Variants in SOX6 observed in about 807,000 individuals in gnomAD.
SOX6 encodes the protein transcription factor SOX-6.
In SOX6, 11 loss-of-function variants were observed where a neutral mutation model predicts 97.8. The observed-to-expected ratio is 0.11, with a 90% CI of 0.07 to 0.19. The LOEUF (loss-of-function observed/expected upper bound fraction) is 0.19, where lower values mean the gene tolerates loss of function less well. Among genes scored for constraint, SOX6 ranks in the 10% least tolerant of loss-of-function variants. The pLI is 1.00. For missense variants in SOX6, 810 were observed against 1,039.5 expected (o/e 0.78, Z 3.04); for synonymous variants, 360 against 371.4 (o/e 0.97, Z 0.35).
intron 4 of SOX6, among the ~76,000 whole-genome samples, chr11:16,561,932 G>T (rs561060401): frequency 6.6e-6 from 1 of 151,282 alleles, no homozygotes; most frequent in African/African-American, 2.4e-5. Context: ...TTGCTATGTT[G>T]CCCAGGCAGG....
chr11:16,523,554 A>G (rs1861106121), intron 4 of SOX6, among the ~76,000 whole-genome samples: 1 of 152,116 alleles, frequency 6.6e-6, no homozygotes, highest in African/African-American at 2.4e-5. Flanking sequence ...TTGACACCCT[A>G]ACATCACAAT....
At chr11:16,369,022 G>A (rs1474021147) in intron 1 of SOX6, among the ~76,000 whole-genome samples, 3 of 152,036 alleles carry the variant, frequency 2.0e-5, no homozygotes, top group African/African-American at 7.2e-5. Flanking sequence ...GATAGCTTGA[G>A]GAATTCAAGA....
chr11:16,484,084 T>C lies in SOX6; in HGVS notation n.610-7696A>G, dbSNP rs189354908. The C allele has an allele frequency of 1.1e-3, 883 of 770,344 alleles. 4 individuals are homozygous for C. In the African/African-American group the frequency reaches 0.014, roughly 12 times the overall value. 47.7% of individuals were successfully genotyped at this position (770,344 alleles called of 1,614,324 possible). A position where few individuals can be genotyped will look rare whatever the true frequency, so the allele number is the denominator to read the frequency against. On this transcript the variant is annotated intron_variant and non_coding_transcript_variant, in intron 4 of 5. Transcript: ENST00000524520. ...GCAGTCACCACAATGCCTTTGGACTTAACTTCTCCTGAATGAGGTACAGGT... is the reference window on the plus strand; with the variant it reads ...GCAGTCACCACAATGCCTTTGGACTCAACTTCTCCTGAATGAGGTACAGGT...
chr11:16,695,612 T>C (rs1305524895), intron 3 of SOX6, among the ~76,000 whole-genome samples: 1 of 152,226 alleles, frequency 6.6e-6, no homozygotes, highest in African/African-American at 2.4e-5. Context: ...TTCAAGGAGT[T>C]TGTGTTTCTA....
At chr11:16,666,126 C>T (rs528972147) in intron 3 of SOX6, among the ~76,000 whole-genome samples, 13 of 152,184 alleles carry the variant, frequency 8.5e-5, no homozygotes, top group Non-Finnish European at 1.5e-4. Context: ...ACAATGAATA[C>T]TTAACTCCTC....
intron 4 of SOX6, among the ~76,000 whole-genome samples, chr11:16,551,706 C>T (rs539316128): frequency 1.1e-4 from 16 of 152,194 alleles, no homozygotes; most frequent in African/African-American, 3.4e-4. Context: ...CGGGTTCAAG[C>T]AATTCTCCTG....
At chr11:16,469,501 A>G (rs1442078959) in intron 1 of SOX6, among the ~76,000 whole-genome samples, 3 of 152,168 alleles carry the variant, frequency 2.0e-5, no homozygotes. Context: ...TGCAAATCAA[A>G]AATTAAGACA....
At chr11:16,643,687 C>A (rs551087355) in intron 3 of SOX6, among the ~76,000 whole-genome samples, 2 of 152,322 alleles carry the variant, frequency 1.3e-5, no homozygotes, top group South Asian at 2.1e-4. Context: ...ATGAGTGAGG[C>A]TCCATGGGCA....
chr11:16,095,914 TAAAAAA>T, intron 9 of SOX6, 76 bp downstream of exon 9: 3 of 1,236,234 alleles, frequency 2.4e-6, no homozygotes, highest in Non-Finnish European at 3.4e-6. Flanking sequence ...TTTGCCACTT[TAAAAAA>T]AAAAAAAAAA....
intron 4 of SOX6, among the ~76,000 whole-genome samples, chr11:16,585,637 C>T (rs1369523537): frequency 2.1e-5 from 3 of 145,088 alleles, no homozygotes; most frequent in South Asian, 2.2e-4. Context: ...ATTAATGGGG[C>T]GGGGGAGTCA....
At chr11:16,065,648 C>T (rs975583702) in intron 9 of SOX6, among the ~76,000 whole-genome samples, 12 of 151,986 alleles carry the variant, frequency 7.9e-5, no homozygotes, top group Non-Finnish European at 1.8e-4. Flanking sequence ...GCCAAGAATA[C>T]ATGCTGGGGA....
chr11:16,083,683 C>T (rs923247232), intron 9 of SOX6, among the ~76,000 whole-genome samples: 6 of 152,182 alleles, frequency 3.9e-5, no homozygotes, highest in African/African-American at 9.7e-5. Flanking sequence ...AGCTGTGTGG[C>T]TTTGGTCAAG....
intron 1 of SOX6, among the ~76,000 whole-genome samples, chr11:16,427,357 T>C (rs1246492555): frequency 6.6e-6 from 1 of 151,820 alleles, no homozygotes; most frequent in Non-Finnish European, 1.5e-5. Flanking sequence ...TACTTTAAGT[T>C]TTAGGGTACA....
At chr11:16,268,219 A>G (rs1854140198) in intron 3 of SOX6, among the ~76,000 whole-genome samples, 1 of 151,408 alleles carries the variant, frequency 6.6e-6, no homozygotes, top group Non-Finnish European at 1.5e-5. Context: ...AAAATGTCAA[A>G]TATTTGACAT....
chr11:15,978,905 T>C (rs1430358612), intron 15 of SOX6, among the ~76,000 whole-genome samples: 1 of 137,454 alleles, frequency 7.3e-6, no homozygotes, highest in Admixed American at 7.5e-5. Flanking sequence ...TTATATATAA[T>C]ATATATAAGC....
At chr11:16,591,320 T>TAGATAGATAGATAGAC (rs879334616) in intron 4 of SOX6, among the ~76,000 whole-genome samples, 5,071 of 69,428 alleles carry the variant, frequency 0.073, 105 homozygotes, top group Admixed American at 0.085. Context: ...GTTAGATACA[T>TAGATAGATAGATAGAC]AGATAGATAG....
chr11:16,473,245 C>T (rs1166471658), intron 1 of SOX6, among the ~76,000 whole-genome samples: 2 of 152,114 alleles, frequency 1.3e-5, no homozygotes, highest in Non-Finnish European at 2.9e-5. Context: ...AGGTTTGGTC[C>T]AGACCACTGC....
intron 3 of SOX6, 117 bp downstream of exon 3, chr11:16,318,329 T>C: frequency 2.7e-6 from 3 of 1,097,136 alleles, no homozygotes; most frequent in African/African-American, 3.1e-5. Flanking sequence ...AACTTTTTCC[T>C]AGCTAGTGAC....
At chr11:16,618,428 CT>C (rs1198454220) in intron 3 of SOX6, among the ~76,000 whole-genome samples, 1 of 151,414 alleles carries the variant, frequency 6.6e-6, no homozygotes, top group Non-Finnish European at 1.5e-5. Context: ...GAAATATTGT[CT>C]TAAAAGTAAT....
Sources: allele counts gnomAD v4.1 joint callset (sites outside exome capture counted in the v4.1 genomes callset), GRCh38; gene constraint gnomAD v4.1.1; transcripts MANE v1.5; gene names NCBI Gene and HGNC (gene_info 2026-07-23, HGNC 2026-07-21).